The following KCNN2 variants were observed in gnomAD, a reference collection of about 807,000 sequenced individuals.
The protein encoded by KCNN2 is potassium calcium-activated channel subfamily N member 2.
KCNN2 carries 24 observed loss-of-function variants against 55.5 expected under a neutral mutation model. The ratio of observed to expected loss-of-function variants is 0.43; its 90% confidence interval spans 0.31 to 0.61. The LOEUF (loss-of-function observed/expected upper bound fraction) is 0.61, where lower values mean the gene tolerates loss of function less well. KCNN2 is among the 20% of genes least tolerant of loss of function. KCNN2 has a pLI of 0.08. For missense variants in KCNN2, 754 were observed against 853.6 expected (o/e 0.88, Z 1.45); for synonymous variants, 431 against 336.1 (o/e 1.28, Z -3.09).
intron 3 of KCNN2, among the ~76,000 whole-genome samples, chr5:114,409,093 G>C (rs1759037523): frequency 6.6e-6 from 1 of 152,160 alleles, no homozygotes; most frequent in Non-Finnish European, 1.5e-5. Context: ...TAATTTAGGG[G>C]CTGAGTGACC....
chr5:114,056,938 T>G (rs1272355080), intron 1 of KCNN2, among the ~76,000 whole-genome samples: 1 of 152,220 alleles, frequency 6.6e-6, no homozygotes, highest in African/African-American at 2.4e-5. Context: ...GCTGAGGTTA[T>G]AGGGTATATG....
At chr5:114,325,917 A>C (rs1301816248) in intron 2 of KCNN2, among the ~76,000 whole-genome samples, 2 of 152,132 alleles carry the variant, frequency 1.3e-5, no homozygotes, top group Non-Finnish European at 1.5e-5. Context: ...ATATACATCA[A>C]ATGTTGTCTA....
intron 1 of KCNN2, among the ~76,000 whole-genome samples, chr5:114,085,571 AAAT>A (rs1340605243): frequency 1.0e-3 from 159 of 152,150 alleles, no homozygotes; most frequent in Non-Finnish European, 2.0e-3. Flanking sequence ...CAGATTTTAA[AAAT>A]TGATTTCCAA....
At chr5:114,453,827 T>C (rs1245208190) in intron 3 of KCNN2, among the ~76,000 whole-genome samples, 2 of 152,222 alleles carry the variant, frequency 1.3e-5, no homozygotes, top group African/African-American at 4.8e-5. Flanking sequence ...TTTTTAACTT[T>C]CAGTTCCTGT....
At chr5:114,448,692 T>C (rs1338027929) in intron 3 of KCNN2, among the ~76,000 whole-genome samples, 1 of 152,226 alleles carries the variant, frequency 6.6e-6, no homozygotes, top group Non-Finnish European at 1.5e-5. Flanking sequence ...CGAGGAATAA[T>C]GCAATGACAT....
chr5:114,330,013 TC>T (rs1278548369), intron 2 of KCNN2, among the ~76,000 whole-genome samples: 27 of 109,980 alleles, frequency 2.5e-4, no homozygotes. Flanking sequence ...AAGGGGAAAC[TC>T]CCTCTCTCTC....
At chr5:114,415,986 T>C (rs570473597) in intron 3 of KCNN2, among the ~76,000 whole-genome samples, 1 of 152,310 alleles carries the variant, frequency 6.6e-6, no homozygotes, top group Admixed American at 6.5e-5. Context: ...AACTCCCTTG[T>C]TCAGTTCTGT....
intron 1 of KCNN2, among the ~76,000 whole-genome samples, chr5:114,153,835 G>A (rs1260600061): frequency 6.6e-6 from 1 of 152,250 alleles, no homozygotes; most frequent in South Asian, 2.1e-4. Flanking sequence ...AGAGATCCAC[G>A]GGAGTGAGGA....
chr5:114,163,265 G>T (rs1157353006), intron 1 of KCNN2, among the ~76,000 whole-genome samples: 1 of 152,132 alleles, frequency 6.6e-6, no homozygotes, highest in African/African-American at 2.4e-5. Context: ...CTGTCTTCCA[G>T]TTTGAATGCC....
upstream of KCNN2, among the ~76,000 whole-genome samples, chr5:114,360,689 T>C (rs1002856990): frequency 6.6e-6 from 1 of 152,152 alleles, no homozygotes; most frequent in Non-Finnish European, 1.5e-5. Flanking sequence ...AGACACCAAA[T>C]GCAATTTTTG....
At chr5:114,449,532 G>C (rs1760559042) in intron 3 of KCNN2, among the ~76,000 whole-genome samples, 1 of 152,198 alleles carries the variant, frequency 6.6e-6, no homozygotes, top group African/African-American at 2.4e-5. Context: ...TGGTGAGGTA[G>C]ACAGTCTGTT....
At chr5:114,121,764 A>G (rs1561484346) in intron 1 of KCNN2, among the ~76,000 whole-genome samples, 1 of 152,082 alleles carries the variant, frequency 6.6e-6, no homozygotes, top group Non-Finnish European at 1.5e-5. Flanking sequence ...ATACTCTCCC[A>G]ACTTGGTCTT....
At chr5:114,285,445 T>C (rs1755724564) in intron 2 of KCNN2, among the ~76,000 whole-genome samples, 1 of 151,982 alleles carries the variant, frequency 6.6e-6, no homozygotes, top group Non-Finnish European at 1.5e-5. Flanking sequence ...AAATCAAGAC[T>C]GTGATAAATG....
chr5:114,170,717 ATCTG>A (rs146107484), intron 1 of KCNN2, among the ~76,000 whole-genome samples: 4,684 of 152,088 alleles, frequency 0.031, 249 homozygotes, highest in African/African-American at 0.11. Context: ...CAAATTTAAA[ATCTG>A]TCTCTCAATT....
intron 2 of KCNN2, among the ~76,000 whole-genome samples, chr5:114,385,274 A>G (rs1011958720): frequency 4.0e-5 from 6 of 150,132 alleles, no homozygotes; most frequent in Admixed American, 1.3e-4. Context: ...CTCTTCCTTC[A>G]TAACATCACA....
intron 2 of KCNN2, among the ~76,000 whole-genome samples, chr5:114,260,199 A>G (rs979360203): frequency 3.9e-5 from 6 of 152,186 alleles, no homozygotes; most frequent in Admixed American, 6.5e-5. Flanking sequence ...TTCTTTGTGC[A>G]GCAGCTGGAG....
At chr5:114,258,782 G>A (rs1179844998) in intron 2 of KCNN2, among the ~76,000 whole-genome samples, 2 of 152,152 alleles carry the variant, frequency 1.3e-5, no homozygotes, top group African/African-American at 4.8e-5. Flanking sequence ...AGACACAGTT[G>A]CCTCACTTTG....
intron 1 of KCNN2, among the ~76,000 whole-genome samples, chr5:114,107,419 C>T (rs920325133): frequency 1.3e-5 from 2 of 152,078 alleles, no homozygotes; most frequent in African/African-American, 4.8e-5. Flanking sequence ...GGGTCTGACT[C>T]CATTGCCCAG....
chr5:114,385,117 T>G (rs761426116), intron 2 of KCNN2, among the ~76,000 whole-genome samples: 2 of 152,186 alleles, frequency 1.3e-5, no homozygotes, highest in African/African-American at 2.4e-5. Context: ...TTAAAATTAG[T>G]GAGTCTGAAG....
Sources: allele counts gnomAD v4.1 joint callset (sites outside exome capture counted in the v4.1 genomes callset), GRCh38; gene constraint gnomAD v4.1.1; transcripts MANE v1.5; gene names NCBI Gene and HGNC (gene_info 2026-07-23, HGNC 2026-07-21).